Variants in GOLM1 observed in about 807,000 individuals in gnomAD.
GOLM1 encodes the protein epididymis luminal protein 46.
Under a neutral mutation model 50.5 loss-of-function variants are expected in GOLM1, and 31 were observed. The observed-to-expected ratio is 0.61, with a 90% CI of 0.46 to 0.83. The LOEUF (loss-of-function observed/expected upper bound fraction) is 0.83. Among genes scored for constraint, GOLM1 ranks in the 40% least tolerant of loss-of-function variants. The probability of loss-of-function intolerance (pLI) is 0.00; values close to 1 mark genes in which losing one functional copy is unlikely to be tolerated. For synonymous variants in GOLM1, 178 were observed against 192.8 expected (o/e 0.92, Z 0.64); for missense variants, 491 against 501.3 (o/e 0.98, Z 0.20).
intron 3 of GOLM1, among the ~76,000 whole-genome samples, chr9:86,058,267 G>T (rs1417030625): frequency 1.3e-5 from 2 of 152,146 alleles, no homozygotes; most frequent in Non-Finnish European, 2.9e-5. Context: ...AAAAGAAACA[G>T]GTTGGGCAAA....
Position 86,027,008 on chromosome 9 carries a change from A to AG in GOLM1, c.*808dup. Reference sequence around the variant, plus strand: ...CTTGCCTCTCACCATGCTCTGCTCCAGGTCAGCCCCCTTTTGGCCTGTTTG... The same window carrying AG: ...CTTGCCTCTCACCATGCTCTGCTCCAGGGTCAGCCCCCTTTTGGCCTGTTTG... On this transcript the variant is annotated 3_prime_UTR_variant, in exon 10 of 10. Transcript: ENST00000388712. 1 of 985,350 alleles carries AG rather than the reference A, an allele frequency of 1.0e-6. No homozygotes were observed. The highest frequency in any genetic ancestry group is 1.2e-6 in the Non-Finnish European group (1 of 829,924). The allele number at this position is 985,350 out of a possible 1,614,324, so 61.0% of individuals were successfully genotyped here. A position where few individuals can be genotyped will look rare whatever the true frequency, so the allele number is the denominator to read the frequency against.
intron 3 of GOLM1, among the ~76,000 whole-genome samples, chr9:86,066,006 C>T (rs1834297420): frequency 6.6e-6 from 1 of 152,174 alleles, no homozygotes; most frequent in Admixed American, 6.5e-5. Flanking sequence ...CGCCACTGTA[C>T]TCCAGCCTGG....
At chr9:86,088,576 T>TG (rs57812981) in intron 1 of GOLM1, among the ~76,000 whole-genome samples, 31,304 of 63,678 alleles carry the variant, frequency 0.49, 6,146 homozygotes, top group African/African-American at 0.65. Flanking sequence ...GGTTTTGTTT[T>TG]TTTTTTTTTT....
chr9:86,066,176 T>C (rs1834302650), intron 3 of GOLM1, among the ~76,000 whole-genome samples: 1 of 152,178 alleles, frequency 6.6e-6, no homozygotes, highest in Non-Finnish European at 1.5e-5. Flanking sequence ...CAAATGCTGT[T>C]GTATTTGAGG....
intron 6 of GOLM1, among the ~76,000 whole-genome samples, chr9:86,039,424 A>G (rs1416649725): frequency 6.6e-6 from 1 of 152,248 alleles, no homozygotes; most frequent in African/African-American, 2.4e-5. Flanking sequence ...AGATTACCAT[A>G]TAACCCAGCA....
Position 86,065,982 on chromosome 9 carries a change from G to A in GOLM1, c.309+11430C>T, listed in dbSNP as rs112932308. Among the ~76,000 whole-genome samples, 364 of 152,294 alleles carry A rather than the reference G, an allele frequency of 2.4e-3. 3 individuals are homozygous for A. The highest frequency in any genetic ancestry group is 8.3e-3 in the African/African-American group (344 of 41,552). Reference sequence around the variant, plus strand: ...ATGAACCCGGGAGGCGGAGGTTGCAGTGAGCCAAGATTACGCCACTGTACT... The same window carrying A: ...ATGAACCCGGGAGGCGGAGGTTGCAATGAGCCAAGATTACGCCACTGTACT... On this transcript the variant is annotated intron_variant, in intron 3 of 9. Transcript: ENST00000388712.
intron 1 of GOLM1, among the ~76,000 whole-genome samples, chr9:86,099,006 A>T (rs940445811): frequency 6.6e-6 from 1 of 152,160 alleles, no homozygotes; most frequent in African/African-American, 2.4e-5. Context: ...CCTGGTGCAA[A>T]TCACGCTGCA....
At chr9:86,034,367 G>A (rs1331332534) in intron 8 of GOLM1, among the ~76,000 whole-genome samples, 1 of 152,208 alleles carries the variant, frequency 6.6e-6, no homozygotes, top group Non-Finnish European at 1.5e-5. Flanking sequence ...TGTCCACCGC[G>A]TTTCTTCAAA....
At chr9:86,061,121 G>A (rs1203463693) in intron 3 of GOLM1, among the ~76,000 whole-genome samples, 1 of 152,058 alleles carries the variant, frequency 6.6e-6, no homozygotes, top group Admixed American at 6.6e-5. Context: ...GATGTGTGGG[G>A]GCTCACTGGG....
chr9:86,042,663 T>C (rs944530957), intron 5 of GOLM1, among the ~76,000 whole-genome samples: 2 of 152,220 alleles, frequency 1.3e-5, no homozygotes, highest in Admixed American at 6.5e-5. Flanking sequence ...AACAAAAAGC[T>C]GTCTGTATAC....
At chr9:86,088,457 T>TA (rs1835058531) in intron 1 of GOLM1, among the ~76,000 whole-genome samples, 32 of 134,902 alleles carry the variant, frequency 2.4e-4, no homozygotes, top group Admixed American at 7.5e-4. Context: ...TATATATATA[T>TA]TTAGGATAGA....
At chr9:86,043,381 T>C (rs997430765) in intron 5 of GOLM1, among the ~76,000 whole-genome samples, 1 of 152,172 alleles carries the variant, frequency 6.6e-6, no homozygotes, top group Non-Finnish European at 1.5e-5. Context: ...AGCTTTTGTG[T>C]TCTCGGCACT....
chr9:86,081,825 C>G (rs1587735320), intron 1 of GOLM1, among the ~76,000 whole-genome samples: 1 of 150,422 alleles, frequency 6.6e-6, no homozygotes, highest in Non-Finnish European at 1.5e-5. Context: ...TGAGGCGGAG[C>G]TTGCAGTGAG....
chr9:86,028,374 G>A (rs1832852847), intron 9 of GOLM1, among the ~76,000 whole-genome samples: 1 of 152,172 alleles, frequency 6.6e-6, no homozygotes, highest in East Asian at 1.9e-4. Context: ...GGGAAATTCG[G>A]CCAAGGACAG....
intron 5 of GOLM1, among the ~76,000 whole-genome samples, chr9:86,045,673 AG>A (rs1236701376): frequency 4.2e-5 from 6 of 143,522 alleles, no homozygotes; most frequent in African/African-American, 1.7e-4. Context: ...ACTCCGCTCA[AG>A]AAAAAAAAAA....
intron 3 of GOLM1, among the ~76,000 whole-genome samples, chr9:86,068,676 T>G (rs978065221): frequency 1.3e-5 from 2 of 152,238 alleles, no homozygotes; most frequent in Non-Finnish European, 2.9e-5. Context: ...TTTCCCAAAC[T>G]GCAGATGCAG....
intron 1 of GOLM1, among the ~76,000 whole-genome samples, chr9:86,090,805 A>G (rs1294415075): frequency 6.6e-6 from 1 of 151,322 alleles, no homozygotes; most frequent in African/African-American, 2.4e-5. Context: ...AAAAAAAAAA[A>G]AAAAAAAAAC....
intron 4 of GOLM1, among the ~76,000 whole-genome samples, chr9:86,047,795 G>A (rs968864544): frequency 5.3e-5 from 8 of 152,094 alleles, no homozygotes; most frequent in African/African-American, 1.4e-4. Context: ...TGGACGAATC[G>A]CAAATAACTA....
intron 1 of GOLM1, among the ~76,000 whole-genome samples, chr9:86,097,304 T>C (rs1835380085): frequency 6.6e-6 from 1 of 152,214 alleles, no homozygotes; most frequent in African/African-American, 2.4e-5. Flanking sequence ...AGTAGCACCA[T>C]TCCTTCTGTT....
Sources: allele counts gnomAD v4.1 joint callset (sites outside exome capture counted in the v4.1 genomes callset), GRCh38; gene constraint gnomAD v4.1.1; transcripts MANE v1.5; gene names NCBI Gene and HGNC (gene_info 2026-07-23, HGNC 2026-07-21).